Variants in ZNF236 observed in about 807,000 individuals in gnomAD.
The protein encoded by ZNF236 is regulated by glucose.
A neutral mutation model predicts 191.2 loss-of-function variants in ZNF236; 50 were observed. The ratio of observed to expected loss-of-function variants is 0.26; its 90% CI spans 0.21 to 0.33. The LOEUF (loss-of-function observed/expected upper bound fraction) is 0.33. Ranked by LOEUF, ZNF236 falls within the 10% of genes least tolerant of loss-of-function variation. The probability of loss-of-function intolerance (pLI) is 1.00; values close to 1 mark genes in which losing one functional copy is unlikely to be tolerated. For synonymous variants in ZNF236, 907 were observed against 928.8 expected, an observed-to-expected ratio of 0.98 and a Z score of 0.43; for missense variants, 1,754 against 2,374.5, an observed-to-expected ratio of 0.74 and a Z score of 5.43.
intron 1 of ZNF236, among the ~76,000 whole-genome samples, chr18:76,841,860 A>G (rs1015104461): frequency 6.6e-6 from 1 of 151,760 alleles, no homozygotes; most frequent in Non-Finnish European, 1.5e-5. Flanking sequence ...CGCCAGGCTG[A>G]TTTTTTATTT....
chr18:76,935,604 C>T (rs947218308), intron 25 of ZNF236, among the ~76,000 whole-genome samples: 3 of 152,174 alleles, frequency 2.0e-5, no homozygotes, highest in East Asian at 1.9e-4. Context: ...TGATCCTGGG[C>T]GAGATTCACA....
At chr18:76,939,631 G>A (rs1289249057) in intron 26 of ZNF236, among the ~76,000 whole-genome samples, 4 of 152,162 alleles carry the variant, frequency 2.6e-5, no homozygotes, top group Admixed American at 1.3e-4. Context: ...TCTTTCCCAC[G>A]TTTTTATTTG....
chr18:76,862,755 T>A (rs1428968158), intron 3 of ZNF236, among the ~76,000 whole-genome samples: 1 of 152,214 alleles, frequency 6.6e-6, no homozygotes, highest in Non-Finnish European at 1.5e-5. Context: ...TCTCTGCTGC[T>A]GCTGGTCCTT....
chr18:76,849,745 A>G (rs1975802141), intron 2 of ZNF236, 77 bp downstream of exon 2: 2 of 1,333,224 alleles, frequency 1.5e-6, no homozygotes, highest in Non-Finnish European at 2.0e-6. Context: ...AAGTAAAATC[A>G]AAACTTTTAA....
intron 1 of ZNF236, among the ~76,000 whole-genome samples, chr18:76,845,798 G>A (rs571089637): frequency 5.3e-5 from 8 of 151,998 alleles, no homozygotes; most frequent in Admixed American, 2.6e-4. Context: ...GCAGTGAGCA[G>A]AGATCGCACC....
At chr18:76,943,404 T>C (rs1968187412) in intron 26 of ZNF236, among the ~76,000 whole-genome samples, 1 of 152,236 alleles carries the variant, frequency 6.6e-6, no homozygotes, top group Admixed American at 6.5e-5. Context: ...AGTCTGACAG[T>C]TTTATCAGGA....
Position 76,875,684 on chromosome 18 carries a change from A to G in ZNF236, c.840+20A>G. 1 of 1,520,024 alleles carries G rather than the reference A, an allele frequency of 6.6e-7. No homozygotes were observed. The highest frequency in any genetic ancestry group is 1.3e-5 in the South Asian group (1 of 78,168). 94.2% of individuals were successfully genotyped at this position (1,520,024 alleles called of 1,614,324 possible). A position where few individuals can be genotyped will look rare whatever the true frequency, so the allele number is the denominator to read the frequency against. On this transcript the variant is annotated intron_variant, in intron 6 of 30. Transcript: ENST00000320610. The surrounding 1 kb of genome is among the most constrained non-coding windows in gnomAD (Gnocchi z 4.3). Reference sequence around the variant, plus strand: ...TCAGAGGTAAACACGGGTTGGGGGCATAAGCGGTATTTCACAGGGGACAGT... The same window carrying G: ...TCAGAGGTAAACACGGGTTGGGGGCGTAAGCGGTATTTCACAGGGGACAGT...
At chr18:76,900,165 C>A (rs573673798) in intron 11 of ZNF236, among the ~76,000 whole-genome samples, 1 of 152,136 alleles carries the variant, frequency 6.6e-6, no homozygotes, top group East Asian at 1.9e-4. Flanking sequence ...CAAAGCATAA[C>A]CTTTATTTAC....
At chr18:76,950,817 G>A (rs1333879918) in intron 27 of ZNF236, among the ~76,000 whole-genome samples, 7 of 152,168 alleles carry the variant, frequency 4.6e-5, no homozygotes, top group Non-Finnish European at 1.5e-5. Context: ...ATCTATGTCG[G>A]CTACAGCCTT....
In ZNF236 at chr18:76,925,081, C is replaced by G. The variant is rs1426684733; in HGVS notation, c.3662-108C>G. 1 of 1,482,020 alleles carries G rather than the reference C, an allele frequency of 6.7e-7. No individual in the cohort carries two copies. The highest frequency in any genetic ancestry group is 2.3e-5 in the East Asian group (1 of 44,000). 91.8% of individuals were successfully genotyped at this position (1,482,020 alleles called of 1,614,324 possible). ...GAAAGGGATTCTCATTAAAGTACTT[C>G]CATCCACTGATTCAACATATTTACA... is the stretch of plus-strand genomic sequence containing the variant. On this transcript the variant is annotated intron_variant, in intron 21 of 30. Coordinates refer to ENST00000320610, the MANE Select transcript of ZNF236 (RefSeq NM_001306089.2). This position sits in a 1 kb window ranked among gnomAD's most constrained non-coding sequence, Gnocchi z 5.7.
intron 9 of ZNF236, among the ~76,000 whole-genome samples, chr18:76,883,664 G>A (rs1036548057): frequency 4.6e-5 from 7 of 152,146 alleles, no homozygotes; most frequent in African/African-American, 1.7e-4. Context: ...CTGGCCTCAA[G>A]TGATCCTCTT....
intron 9 of ZNF236, chr18:76,886,282 A>G (rs1194309340): frequency 6.6e-6 from 1 of 152,262 alleles, no homozygotes; most frequent in Non-Finnish European, 1.5e-5. Flanking sequence ...AAGAACTGCC[A>G]AGCAGTTCCG....
chr18:76,940,881 C>T (rs926561145), intron 26 of ZNF236, among the ~76,000 whole-genome samples: 14 of 152,192 alleles, frequency 9.2e-5, no homozygotes, highest in African/African-American at 2.9e-4. Context: ...GAGAGCATTA[C>T]TGCCTGAGCT....
chr18:76,837,997 A>G (rs141842222), intron 1 of ZNF236, among the ~76,000 whole-genome samples: 51 of 152,314 alleles, frequency 3.3e-4, no homozygotes, highest in Non-Finnish European at 6.2e-4. Flanking sequence ...ACGTCACCTC[A>G]CAAATTGTTG....
At chr18:76,912,497 G>A (rs8091200) in intron 17 of ZNF236, 150 bp downstream of exon 17, 148,584 of 545,750 alleles carry the variant, frequency 0.27, 22,400 homozygotes, top group Admixed American at 0.31. Flanking sequence ...GTAAATAAAC[G>A]ATCTGAGACA....
In ZNF236 at chr18:76,907,384, C is replaced by G. The variant is rs151000362; in HGVS notation, c.2298-936C>G. 5.6e-3 allele frequency among the ~76,000 whole-genome samples: 854 copies of G among 152,324 alleles called. 11 individuals carry two copies. The highest frequency in any genetic ancestry group is 0.02 in the African/African-American group (814 of 41,570). ...TTTTTGTTTGTTTGAGACGGAGTCT[C>G]GCTCTGTTGCCCAGGCTGGAGTGCC... On this transcript the variant is annotated intron_variant, in intron 13 of 30. Coordinates refer to ENST00000320610, the MANE Select transcript of ZNF236 (RefSeq NM_001306089.2).
At chr18:76,965,474 T>C (rs1481795731) in intron 30 of ZNF236, among the ~76,000 whole-genome samples, 1 of 152,228 alleles carries the variant, frequency 6.6e-6, no homozygotes, top group Non-Finnish European at 1.5e-5. Flanking sequence ...TTTTGTCATA[T>C]TACCAGAGTT....
chr18:76,832,267 G>C (rs929160327), intron 1 of ZNF236, among the ~76,000 whole-genome samples: 1 of 152,048 alleles, frequency 6.6e-6, no homozygotes, highest in Non-Finnish European at 1.5e-5. Context: ...TTTCAGTAGG[G>C]ATGGGGTTTC....
At chr18:76,962,916 T>C (rs777312473) in intron 30 of ZNF236, among the ~76,000 whole-genome samples, 1 of 152,234 alleles carries the variant, frequency 6.6e-6, no homozygotes, top group African/African-American at 2.4e-5. Flanking sequence ...CTGATTTCTT[T>C]ACATCAATTT....
Sources: gnomAD v4.1 joint callset for allele counts (sites outside exome capture counted in the v4.1 genomes callset) on GRCh38, gnomAD v4.1.1 for gene constraint, Gnocchi (gnomAD v3.1) non-coding constraint, MANE v1.5 for transcripts, NCBI Gene and HGNC (gene_info 2026-07-23, HGNC 2026-07-21) for gene names.